Variants in CLVS1 observed in about 807,000 individuals in gnomAD.
The protein encoded by CLVS1 is clavesin-1.
A neutral mutation model predicts 33.1 loss-of-function variants in CLVS1; 10 were observed. The ratio of observed to expected loss-of-function variants is 0.30; its 90% CI spans 0.19 to 0.51. The LOEUF (loss-of-function observed/expected upper bound fraction) is 0.51. CLVS1 is among the 20% of genes least tolerant of loss of function. The pLI is 0.97. For synonymous variants in CLVS1, 163 were observed against 166.1 expected (o/e 0.98, Z 0.14); for missense variants, 343 against 433.4 (o/e 0.79, Z 1.85).
At chr8:61,483,157 G>T in intron 5 of CLVS1, among the ~76,000 whole-genome samples, 1 of 152,164 alleles carries the variant, frequency 6.6e-6, no homozygotes, top group Middle Eastern at 3.2e-3. Context: ...CCAGGAGCTG[G>T]TTTTTTGAAA....
the CLVS1 span, among the ~76,000 whole-genome samples, chr8:61,001,836 T>C: frequency 6.6e-6 from 1 of 152,374 alleles, no homozygotes; most frequent in Non-Finnish European, 1.5e-5. Flanking sequence ...CTTTACACCA[T>C]CGTTGCCTAT....
intron 2 of CLVS1, among the ~76,000 whole-genome samples, chr8:61,248,461 C>A (rs1808863327): frequency 6.6e-6 from 1 of 151,956 alleles, no homozygotes; most frequent in Non-Finnish European, 1.5e-5. Flanking sequence ...TCTCTGATTT[C>A]TTTGAGCAAT....
chr8:60,995,110 C>A, the CLVS1 span, among the ~76,000 whole-genome samples: 1 of 152,268 alleles, frequency 6.6e-6, no homozygotes, highest in South Asian at 2.1e-4. Flanking sequence ...TGGGCAAGGA[C>A]TTCATGTCTA....
chr8:61,263,320 T>C (rs1452708845), intron 2 of CLVS1, among the ~76,000 whole-genome samples: 2 of 152,248 alleles, frequency 1.3e-5, no homozygotes, highest in Non-Finnish European at 2.9e-5. Flanking sequence ...AACACAAATA[T>C]ACAATTGTGG....
intron 3 of CLVS1, among the ~76,000 whole-genome samples, chr8:61,398,101 C>A (rs1445293578): frequency 6.7e-6 from 1 of 150,204 alleles, no homozygotes; most frequent in Admixed American, 6.6e-5. Context: ...GTACTGCCAT[C>A]TTAATATTAA....
At chr8:61,497,964 G>A (rs542894683) in intron 5 of CLVS1, among the ~76,000 whole-genome samples, 11 of 152,252 alleles carry the variant, frequency 7.2e-5, no homozygotes, top group Non-Finnish European at 1.3e-4. Context: ...TCTCATCGCC[G>A]TCTTGGTTTC....
chr8:61,411,519 A>G (rs1405797267), intron 3 of CLVS1, among the ~76,000 whole-genome samples: 1 of 152,226 alleles, frequency 6.6e-6, no homozygotes, highest in East Asian at 1.9e-4. Context: ...AATTAAACAC[A>G]CAGGAAGAAA....
chr8:61,483,514 C>A (rs1248183669), intron 5 of CLVS1, among the ~76,000 whole-genome samples: 1 of 152,180 alleles, frequency 6.6e-6, no homozygotes, highest in African/African-American at 2.4e-5. Context: ...ACCAGAGGTA[C>A]AAAGAGGAGC....
At chr8:61,206,525 A>G (rs1431647714) in intron 2 of CLVS1, among the ~76,000 whole-genome samples, 1 of 152,024 alleles carries the variant, frequency 6.6e-6, no homozygotes, top group Non-Finnish European at 1.5e-5. Context: ...TCTAAGCCAG[A>G]TTAGACTCCC....
chr8:61,093,484 T>C (rs1343650374), intron 1 of CLVS1, among the ~76,000 whole-genome samples: 1 of 152,146 alleles, frequency 6.6e-6, no homozygotes, highest in Non-Finnish European at 1.5e-5. Context: ...TATAATGTGC[T>C]TACAAAAAAA....
intron 2 of CLVS1, among the ~76,000 whole-genome samples, chr8:61,301,353 T>C (rs1442300269): frequency 6.6e-6 from 1 of 152,070 alleles, no homozygotes; most frequent in Non-Finnish European, 1.5e-5. Flanking sequence ...CCATCCCCTA[T>C]CCCAACTCCA....
At chr8:61,151,460 T>C (rs143462931) in intron 2 of CLVS1, among the ~76,000 whole-genome samples, 2,641 of 152,324 alleles carry the variant, frequency 0.017, 33 homozygotes, top group African/African-American at 0.027. Context: ...CAAGACCCCA[T>C]GCCTAGAAAG....
At chr8:61,407,969 A>G (rs548021570) in intron 3 of CLVS1, among the ~76,000 whole-genome samples, 14 of 152,198 alleles carry the variant, frequency 9.2e-5, no homozygotes, top group Non-Finnish European at 1.9e-4. Flanking sequence ...AGTTTTGTGT[A>G]CAAAACTCAT....
At chr8:61,136,653 T>C (rs903632258) in intron 2 of CLVS1, among the ~76,000 whole-genome samples, 1 of 151,926 alleles carries the variant, frequency 6.6e-6, no homozygotes, top group African/African-American at 2.4e-5. Context: ...CATGGACACA[T>C]AGAAGGGAAC....
intron 1 of CLVS1, among the ~76,000 whole-genome samples, chr8:61,104,507 A>C (rs1805501502): frequency 6.6e-6 from 1 of 152,218 alleles, no homozygotes; most frequent in Non-Finnish European, 1.5e-5. Context: ...AAAGATGTAT[A>C]TTGTTATATC....
intron 3 of CLVS1, among the ~76,000 whole-genome samples, chr8:61,446,532 G>T (rs1410074808): frequency 1.3e-5 from 2 of 152,152 alleles, no homozygotes; most frequent in African/African-American, 4.8e-5. Context: ...GCATAGGGCA[G>T]TTCATGTTGA....
At chr8:61,347,220 T>C (rs1248367849) in intron 2 of CLVS1, among the ~76,000 whole-genome samples, 1 of 152,160 alleles carries the variant, frequency 6.6e-6, no homozygotes, top group East Asian at 1.9e-4. Context: ...CTCAGCAGTT[T>C]TGTCTCTGAA....
intron 1 of CLVS1, among the ~76,000 whole-genome samples, chr8:61,098,918 C>A (rs1277676269): frequency 2.0e-5 from 3 of 152,232 alleles, no homozygotes; most frequent in African/African-American, 7.2e-5. Flanking sequence ...AATGTAAAGC[C>A]TATGCTCTTT....
chr8:61,475,610 G>T (rs1310137453), intron 5 of CLVS1, among the ~76,000 whole-genome samples: 2 of 152,148 alleles, frequency 1.3e-5, no homozygotes. Flanking sequence ...AGAAGTGTCT[G>T]TTCATATCCT....
Sources: allele counts gnomAD v4.1 joint callset (sites outside exome capture counted in the v4.1 genomes callset), GRCh38; gene constraint gnomAD v4.1.1; transcripts MANE v1.5; gene names NCBI Gene and HGNC (gene_info 2026-07-23, HGNC 2026-07-21).